RAB11A: variants seen among roughly 807,000 people sequenced by gnomAD.
RAB11A encodes ras-related protein Rab-11A.
Under a neutral mutation model 28.0 loss-of-function variants are expected in RAB11A, and 9 were observed. The ratio of observed to expected loss-of-function variants is 0.32; its 90% CI spans 0.19 to 0.56. The LOEUF is 0.56. Ranked by LOEUF, RAB11A falls within the 20% of genes least tolerant of loss-of-function variation. The pLI is 0.91. For synonymous variants in RAB11A, 85 were observed against 88.2 expected, an observed-to-expected ratio of 0.96 and a Z score of 0.20; for missense variants, 108 against 269.6, an observed-to-expected ratio of 0.40 and a Z score of 4.20.
intron 4 of RAB11A, among the ~76,000 whole-genome samples, chr15:65,885,048 G>T (rs1430057926): frequency 4.0e-5 from 6 of 148,850 alleles, no homozygotes; most frequent in Non-Finnish European, 7.4e-5. Flanking sequence ...TGCTCACTGA[G>T]TGAGACTCTG....
intron 4 of RAB11A, among the ~76,000 whole-genome samples, chr15:65,881,398 T>A (rs2078221753): frequency 6.6e-6 from 1 of 152,194 alleles, no homozygotes; most frequent in African/African-American, 2.4e-5. Flanking sequence ...TCACTGAACC[T>A]CCCTGCTCCT....
chr15:65,871,596 T>C (rs2078161009), intron 1 of RAB11A, among the ~76,000 whole-genome samples: 1 of 152,266 alleles, frequency 6.6e-6, no homozygotes, highest in South Asian at 2.1e-4. Context: ...AAGGTCCTTT[T>C]ATTTTTTAAC....
intron 4 of RAB11A, among the ~76,000 whole-genome samples, chr15:65,880,949 A>G (rs1391285710): frequency 1.3e-5 from 2 of 152,194 alleles, no homozygotes; most frequent in East Asian, 3.8e-4. Flanking sequence ...ATGGTCTGTC[A>G]CTGCCCTAGA....
chr15:65,887,072 T>C (rs187690264), intron 4 of RAB11A, among the ~76,000 whole-genome samples: 7 of 152,272 alleles, frequency 4.6e-5, no homozygotes, highest in Admixed American at 3.9e-4. Context: ...GTGTAGGCAA[T>C]TTTTGTTTGT....
At position 65,877,829 on chromosome 15, in the gene RAB11A, G is replaced by A. The variant is rs2078198703; in HGVS notation, c.304G>A (p.Val102Ile). 1 of 1,611,316 alleles carries A rather than the reference G, an allele frequency of 6.2e-7. No homozygotes were observed. Among genetic ancestry groups the A allele is most frequent in the Non-Finnish European group, 8.5e-7 (1 of 1,177,532 alleles). The change falls in exon 3 of 5, where the codon GTA becomes ATA. Residue 102 changes from valine to isoleucine, a missense_variant. Around this residue, in one of 2 missense-constraint regions of RAB11A, gnomAD observed 85 missense variants for 145.9 expected, o/e 0.58. Transcript: ENST00000261890. This position sits in a 1 kb window ranked among gnomAD's most constrained non-coding sequence, Gnocchi z 4.1. ...DIAKHLTYENVERWLKELRDH... is the reference protein window; with the variant it reads ...DIAKHLTYENIERWLKELRDH... ...TGCTAAACATCTCACATATGAAAAT[G>A]TAGAGCGATGGCTGAAAGAACTGAG...
At chr15:65,869,661 C>A (rs748441158) in intron 1 of RAB11A, 36 bp downstream of exon 1, 11 of 1,593,390 alleles carry the variant, frequency 6.9e-6, no homozygotes, top group Non-Finnish European at 9.4e-6. Flanking sequence ...ACACAGTCCT[C>A]GTTCGGGGAC....
chr15:65,882,705 GA>G (rs2078230213), intron 4 of RAB11A, among the ~76,000 whole-genome samples: 1 of 152,206 alleles, frequency 6.6e-6, no homozygotes, highest in Non-Finnish European at 1.5e-5. Context: ...GTGACTCCAT[GA>G]GATGATTTTG....
chr15:65,879,572 G>A, intron 3 of RAB11A, 99 bp from the exon 4 acceptor site: 1 of 880,630 alleles, frequency 1.1e-6, no homozygotes. Context: ...GAGGTCTTAA[G>A]TTTTAAAAAG....
rs2141103499 is a variant in RAB11A at position 65,877,501 on chromosome 15, A to G, written c.210A>G (p.Gln70=). ...IKAQIWDTAG[Q]ERYRAITSAY... ...CACAGATATGGGACACAGCAGGGCA[A>G]GAGCGATATCGAGCTATAACATCAG... The change falls in exon 2 of 5, where the codon CAA becomes CAG. Residue 70 remains glutamine, a synonymous_variant. Transcript: ENST00000261890. The surrounding 1 kb of genome is among the most constrained non-coding windows in gnomAD (Gnocchi z 4.1). 6.2e-7 allele frequency: 1 copy of G among 1,614,176 alleles called. No homozygotes were observed. Among genetic ancestry groups the G allele is most frequent in the Non-Finnish European group, 8.5e-7 (1 of 1,180,002 alleles).
In RAB11A at chr15:65,869,685, G is replaced by A; in HGVS notation, c.40+60G>A. 1.9e-6 allele frequency: 3 copies of A among 1,557,844 alleles called. No homozygotes were observed. The East Asian group carries it at 6.8e-5, about 35-fold the overall frequency. On this transcript the variant is annotated intron_variant, in intron 1 of 4. Transcript: ENST00000261890. ...TCGTTCGGGGACCCGGGCCACTCCC[G>A]GTGGACCCTCGTGCCGGCCACCCCT...
chr15:65,870,936 T>G (rs1443088458), intron 1 of RAB11A, among the ~76,000 whole-genome samples: 1 of 152,152 alleles, frequency 6.6e-6, no homozygotes, highest in Non-Finnish European at 1.5e-5. Context: ...AGATGCTTTT[T>G]TTGTTCAGTG....
In RAB11A at chr15:65,877,267, A is replaced by G. The variant is rs2078196401; in HGVS notation, c.41-65A>G. 3 of 1,319,456 alleles carry G rather than the reference A, an allele frequency of 2.3e-6. No individual in the cohort carries two copies. The highest frequency in any genetic ancestry group is 4.8e-5 in the Admixed American group (2 of 41,674). The allele number at this position is 1,319,456 out of a possible 1,614,324, so 81.7% of individuals were successfully genotyped here. A position where few individuals can be genotyped will look rare whatever the true frequency, so the allele number is the denominator to read the frequency against. ...CTGAAGCCAAACTTCATTCTGTTGA[A>G]AGCATAGTGGTGTTCTGAATATGTT... On this transcript the variant is annotated intron_variant, in intron 1 of 4. Transcript: ENST00000261890. This position sits in a 1 kb window ranked among gnomAD's most constrained non-coding sequence, Gnocchi z 4.1.
chr15:65,887,798 C>G lies in RAB11A; in HGVS notation c.609C>G (p.Thr203=). 2 of 1,613,614 alleles carry G rather than the reference C, an allele frequency of 1.2e-6. No individual in the cohort carries two copies. The highest frequency in any genetic ancestry group is 1.7e-6 in the Non-Finnish European group (2 of 1,179,804). ...TGGTTCCTATTCATGTTCCACCAAC[C>G]ACTGAAAACAAGCCAAAGGTGCAGT... ...NNVVPIHVPP[T]TENKPKVQCC... Residue 203 remains threonine, a synonymous_variant, in exon 5 of 5, where the codon ACC becomes ACG. Coordinates refer to ENST00000261890, the MANE Select transcript of RAB11A (RefSeq NM_004663.5).
rs866027919 is a variant in RAB11A at position 65,869,566 on chromosome 15, T to C, written c.-20T>C. 1.2e-6 allele frequency: 2 copies of C among 1,609,696 alleles called. No individual in the cohort carries two copies. On this transcript the variant is annotated 5_prime_UTR_variant, in exon 1 of 5. Coordinates refer to ENST00000261890, the MANE Select transcript of RAB11A (RefSeq NM_004663.5). ...ACAGATACCACTGCTGCTCCCGCCC[T>C]TTCGCTCCTCGGCCGCGCAATGGGC...
rs767233974 is a variant in RAB11A at position 65,869,571 on chromosome 15, C to T, written c.-15C>T. 1.1e-5 allele frequency: 17 copies of T among 1,610,202 alleles called. No individual in the cohort carries two copies. Among genetic ancestry groups the T allele is most frequent in the Admixed American group, 8.3e-5 (5 of 59,974 alleles). On this transcript the variant is annotated 5_prime_UTR_variant, in exon 1 of 5. Coordinates refer to ENST00000261890, the MANE Select transcript of RAB11A (RefSeq NM_004663.5). Reference sequence around the variant, plus strand: ...TACCACTGCTGCTCCCGCCCTTTCGCTCCTCGGCCGCGCAATGGGCACCCG... The same window carrying T: ...TACCACTGCTGCTCCCGCCCTTTCGTTCCTCGGCCGCGCAATGGGCACCCG...
At chr15:65,887,379 G>T (rs1446693371) in intron 4 of RAB11A, among the ~76,000 whole-genome samples, 2 of 152,118 alleles carry the variant, frequency 1.3e-5, no homozygotes, top group Non-Finnish European at 2.9e-5. Context: ...CACCATGTTG[G>T]TCAGGCTGGT....
chr15:65,881,175 T>C (rs1477110003), intron 4 of RAB11A, among the ~76,000 whole-genome samples: 1 of 152,236 alleles, frequency 6.6e-6, no homozygotes, highest in Non-Finnish European at 1.5e-5. Flanking sequence ...ACAGTAGCTT[T>C]CCTTTAGAAT....
chr15:65,886,409 A>C (rs988306693), intron 4 of RAB11A, among the ~76,000 whole-genome samples: 3 of 152,234 alleles, frequency 2.0e-5, no homozygotes, highest in African/African-American at 7.2e-5. Flanking sequence ...TCATGATTAA[A>C]TTAGTTTTAA....
chr15:65,870,349 C>T (rs1000536367), intron 1 of RAB11A, among the ~76,000 whole-genome samples: 7 of 152,254 alleles, frequency 4.6e-5, no homozygotes, highest in Non-Finnish European at 8.8e-5. Flanking sequence ...GCTCCCTTGT[C>T]TCCGTTGCGA....
Sources: gnomAD v4.1 joint callset for allele counts (sites outside exome capture counted in the v4.1 genomes callset) on GRCh38, gnomAD v4.1.1 for gene constraint, gnomAD v4.1.1 regional missense constraint, Gnocchi (gnomAD v3.1) non-coding constraint, MANE v1.5 for transcripts, NCBI Gene and HGNC (gene_info 2026-07-23, HGNC 2026-07-21) for gene names.